ZC3H11A: variants seen among roughly 807,000 people sequenced by gnomAD.
The protein encoded by ZC3H11A is zinc finger CCCH domain-containing protein 11A.
Under a neutral mutation model 90.8 loss-of-function variants are expected in ZC3H11A, and 22 were observed. That is an observed-to-expected ratio of 0.24 (90% CI 0.17 to 0.35). The LOEUF (loss-of-function observed/expected upper bound fraction) is 0.35, where lower values mean the gene tolerates loss of function less well. Among genes scored for constraint, ZC3H11A ranks in the 10% least tolerant of loss-of-function variants. The probability of loss-of-function intolerance (pLI) is 1.00; values close to 1 mark genes in which losing one functional copy is unlikely to be tolerated. For synonymous variants in ZC3H11A, 294 were observed against 339.8 expected, an observed-to-expected ratio of 0.87 and a Z score of 1.48; for missense variants, 701 against 964.9, an observed-to-expected ratio of 0.73 and a Z score of 3.62.
Position 203,849,734 on chromosome 1 carries a change from T to C in ZC3H11A, c.1647T>C (p.Val549=). ...AKEASGETTG[V]DITKIQVKRC... ...AGGCTTCAGGTGAGACCACAGGAGTTGACATCACTAAAATTCAAGTCAAGA... is the reference window on the plus strand; with the variant it reads ...AGGCTTCAGGTGAGACCACAGGAGTCGACATCACTAAAATTCAAGTCAAGA... The change falls in exon 15 of 18, where the codon GTT becomes GTC. Residue 549 remains valine, a synonymous_variant. Transcript: ENST00000367210. The C allele has an allele frequency of 6.2e-7, 1 of 1,613,902 alleles. No homozygotes were observed.
chr1:203,840,390 G>C lies in ZC3H11A; in HGVS notation c.1042+16G>C. The C allele has an allele frequency of 6.2e-7, 1 of 1,605,016 alleles. No homozygotes were observed. ...GATGCAACAGGTAAGTAAATCCTAAGACCAGATTCTGATTATTTTTTTCTT... is the reference window on the plus strand; with the variant it reads ...GATGCAACAGGTAAGTAAATCCTAACACCAGATTCTGATTATTTTTTTCTT... On this transcript the variant is annotated intron_variant, in intron 12 of 17. Coordinates refer to ENST00000367210, the MANE Select transcript of ZC3H11A (RefSeq NM_001376342.1).
intron 1 of ZC3H11A, chr1:203,800,599 C>T (rs1460849836): frequency 1.5e-6 from 1 of 683,616 alleles, no homozygotes; most frequent in African/African-American, 1.9e-5. Context: ...GAAAATTCCT[C>T]AGAGGCAATA....
intron 2 of ZC3H11A, among the ~76,000 whole-genome samples, chr1:203,814,534 A>G (rs1189655980): frequency 6.6e-6 from 1 of 152,144 alleles, no homozygotes; most frequent in Non-Finnish European, 1.5e-5. Context: ...AAAGAAAAAA[A>G]AAAGAATAAC....
chr1:203,797,570 C>T (rs1180959279), intron 1 of ZC3H11A: 5 of 1,531,540 alleles, frequency 3.3e-6, no homozygotes, highest in African/African-American at 1.4e-5. Context: ...TCTCTCCTGG[C>T]AGAAGATGCA....
intron 2 of ZC3H11A, among the ~76,000 whole-genome samples, chr1:203,809,237 ATGATCTTGGCT>A (rs1415264239): frequency 1.6e-5 from 2 of 125,590 alleles, no homozygotes; most frequent in Non-Finnish European, 3.1e-5. Context: ...GTGCAGTGGC[ATGATCTTGGCT>A]CACTGCAACC....
Position 203,802,527 on chromosome 1 carries a change from G to T in ZC3H11A, c.-635G>T, listed in dbSNP as rs1184172473. ...CATACAAGTATGCTTTTATTATACAGATAATAAAGATGGGGGAAGGTTTCT... is the reference window on the plus strand; with the variant it reads ...CATACAAGTATGCTTTTATTATACATATAATAAAGATGGGGGAAGGTTTCT... On this transcript the variant is annotated 5_prime_UTR_variant, in exon 2 of 18. Transcript: ENST00000367210. 2.6e-5 allele frequency: 4 copies of T among 152,186 alleles called. No individual in the cohort carries two copies. Among genetic ancestry groups the T allele is most frequent in the African/African-American group, 9.7e-5 (4 of 41,342 alleles). The allele number at this position is 152,186 out of a possible 1,614,324, so 9.4% of individuals were successfully genotyped here.
intron 4 of ZC3H11A, among the ~76,000 whole-genome samples, chr1:203,824,316 T>C (rs1047785180): frequency 6.6e-6 from 1 of 152,046 alleles, no homozygotes; most frequent in Non-Finnish European, 1.5e-5. Flanking sequence ...ATATTTGTTT[T>C]TCACTTGCAT....
At chr1:203,797,014 C>T (rs1668753569) in intron 1 of ZC3H11A, 1 of 153,210 alleles carries the variant, frequency 6.5e-6, no homozygotes, top group South Asian at 2.1e-4. Flanking sequence ...GAATGATGCA[C>T]TATGTTTTTG....
intron 12 of ZC3H11A, among the ~76,000 whole-genome samples, chr1:203,844,902 A>C (rs1161519524): frequency 6.6e-6 from 1 of 151,942 alleles, no homozygotes; most frequent in African/African-American, 2.4e-5. Flanking sequence ...TCCAGCCCCA[A>C]CATCTTCATA....
At chr1:203,798,121 C>T (rs1269041583) in intron 1 of ZC3H11A, 1 of 1,536,122 alleles carries the variant, frequency 6.5e-7, no homozygotes, top group South Asian at 1.2e-5. Flanking sequence ...GAGGACTTTA[C>T]CTTGGATGTG....
At chr1:203,823,718 AT>A (rs547130769) in intron 4 of ZC3H11A, among the ~76,000 whole-genome samples, 3 of 152,206 alleles carry the variant, frequency 2.0e-5, no homozygotes, top group Non-Finnish European at 4.4e-5. Flanking sequence ...CTAAATACTT[AT>A]ACTTTTTACA....
chr1:203,819,628 T>A (rs12403777), intron 4 of ZC3H11A, among the ~76,000 whole-genome samples: 18,403 of 140,692 alleles, frequency 0.13, 1,526 homozygotes, highest in East Asian at 0.31. Context: ...TCCACCTCCC[T>A]AGTTCAAGCG....
chr1:203,840,101 G>A (rs1256057873), intron 11 of ZC3H11A, among the ~76,000 whole-genome samples: 1 of 151,942 alleles, frequency 6.6e-6, no homozygotes, highest in Non-Finnish European at 1.5e-5. Context: ...ACTGCGCCCA[G>A]CTAATTTTTG....
Position 203,818,704 on chromosome 1 carries a change from T to C in ZC3H11A, c.174+15T>C. Reference sequence around the variant, plus strand: ...TGGAGATTGATGTAAGTTTTTTATTTCCGTTATCATAATAAGTAGTCTGGA... The same window carrying C: ...TGGAGATTGATGTAAGTTTTTTATTCCCGTTATCATAATAAGTAGTCTGGA... On this transcript the variant is annotated intron_variant, in intron 4 of 17. Coordinates refer to ENST00000367210, the MANE Select transcript of ZC3H11A (RefSeq NM_001376342.1). The C allele has an allele frequency of 6.2e-7, 1 of 1,613,982 alleles. No homozygotes were observed. The highest frequency in any genetic ancestry group is 8.5e-7 in the Non-Finnish European group (1 of 1,179,968).
intron 10 of ZC3H11A, 55 bp downstream of exon 10, chr1:203,833,908 G>C: frequency 6.4e-7 from 1 of 1,559,852 alleles, no homozygotes; most frequent in African/African-American, 1.4e-5. Context: ...GCATTAACAT[G>C]ATAGCTTCTC....
intron 16 of ZC3H11A, 149 bp downstream of exon 16, chr1:203,850,830 T>C (rs1689077786): frequency 1.6e-6 from 2 of 1,249,490 alleles, no homozygotes; most frequent in African/African-American, 3.0e-5. Flanking sequence ...TATTTTATAC[T>C]TACAGTTTGA....
At chr1:203,821,913 A>C (rs1447399560) in intron 4 of ZC3H11A, among the ~76,000 whole-genome samples, 1 of 151,882 alleles carries the variant, frequency 6.6e-6, no homozygotes, top group Non-Finnish European at 1.5e-5. Context: ...GCCCGCCACC[A>C]CGCCCGGCTA....
rs774531825 is a variant in ZC3H11A at position 203,851,088 on chromosome 1, C to T, written c.2138C>T (p.Ser713Leu). The T allele has an allele frequency of 8.1e-6, 13 of 1,614,180 alleles. No homozygotes were observed. The highest frequency in any genetic ancestry group is 7.7e-5 in the South Asian group (7 of 91,084). ...AVVPLVSEDK[S>L]VTVPEAENPR... ...GTCCCGCTTGTCTCTGAGGACAAATCAGTCACTGTGCCTGAAGCAGAAAAT... is the reference window on the plus strand; with the variant it reads ...GTCCCGCTTGTCTCTGAGGACAAATTAGTCACTGTGCCTGAAGCAGAAAAT... The change falls in exon 17 of 18, where the codon TCA becomes TTA. Residue 713 changes from serine (S) to leucine (L), a missense_variant. By Grantham distance (145) the Ser-to-Leu change is moderately radical. This residue lies in a region of ZC3H11A where 91 missense variants were observed against 86.8 expected (regional missense o/e 1.05). Coordinates refer to ENST00000367210, the MANE Select transcript of ZC3H11A (RefSeq NM_001376342.1).
rs190331285 is a variant in ZC3H11A, at chr1:203,830,577, C to A, written c.700+374C>A. Among the ~76,000 whole-genome samples, 848 of 152,202 alleles carry A rather than the reference C, an allele frequency of 5.6e-3. 5 individuals carry two copies. The highest frequency in any genetic ancestry group is 9.1e-3 in the Non-Finnish European group (618 of 68,022). On this transcript the variant is annotated intron_variant, in intron 8 of 17. Coordinates refer to ENST00000367210, the MANE Select transcript of ZC3H11A (RefSeq NM_001376342.1). ...CCTGTAATCCCAGCACTTTGGGAGG[C>A]CGAGGAGGGCGAATCATGAGGTTGG... is the stretch of plus-strand genomic sequence containing the variant.
Sources: gnomAD v4.1 joint callset for allele counts (sites outside exome capture counted in the v4.1 genomes callset) on GRCh38, gnomAD v4.1.1 for gene constraint, gnomAD v4.1.1 regional missense constraint, MANE v1.5 for transcripts, NCBI Gene and HGNC (gene_info 2026-07-23, HGNC 2026-07-21) for gene names.